The following FOCAD variants were observed in gnomAD, a reference collection of about 807,000 sequenced individuals.
FOCAD encodes the protein KIAA1797.
In FOCAD, 198 loss-of-function variants were observed where a neutral mutation model predicts 225.6. The ratio of observed to expected loss-of-function variants is 0.88; its 90% CI spans 0.78 to 0.99. The LOEUF (loss-of-function observed/expected upper bound fraction) is 0.99. Ranked by LOEUF, FOCAD falls within the 50% of genes least tolerant of loss-of-function variation. The probability of loss-of-function intolerance (pLI) is 0.00; values close to 1 mark genes in which losing one functional copy is unlikely to be tolerated. For missense variants in FOCAD, 2,713 were observed against 2,123.6 expected, an observed-to-expected ratio of 1.28 and a Z score of -5.46; for synonymous variants, 897 against 755.0, an observed-to-expected ratio of 1.19 and a Z score of -3.08.
intron 2 of FOCAD, among the ~76,000 whole-genome samples, chr9:20,672,147 A>G (rs1329539776): frequency 5.9e-5 from 9 of 152,188 alleles, no homozygotes; most frequent in Non-Finnish European, 1.3e-4. Context: ...AACTCCTGCA[A>G]ACTTTATAGA....
upstream of FOCAD, among the ~76,000 whole-genome samples, chr9:20,657,975 T>G (rs1044476217): frequency 1.3e-4 from 19 of 141,658 alleles, no homozygotes; most frequent in African/African-American, 2.3e-4. Context: ...GTCCTTTCTG[T>G]TTGTTAGTTT....
intron 16 of FOCAD, among the ~76,000 whole-genome samples, chr9:20,865,522 T>C (rs1829150589): frequency 6.6e-6 from 1 of 152,036 alleles, no homozygotes; most frequent in African/African-American, 2.4e-5. Flanking sequence ...CTGCCTTAAG[T>C]ATTGTACAAC....
At chr9:20,952,613 G>A in intron 34 of FOCAD, 1 of 268,198 alleles carries the variant, frequency 3.7e-6, no homozygotes, top group Non-Finnish European at 7.1e-6. Context: ...AGTGGTCTCA[G>A]CGTTGAAGCT....
chr9:20,966,926 C>T (rs1839313759), intron 35 of FOCAD, among the ~76,000 whole-genome samples: 1 of 152,024 alleles, frequency 6.6e-6, no homozygotes, highest in South Asian at 2.1e-4. Context: ...GTTTTGATTA[C>T]TATAGCTGTA....
At chr9:20,675,472 G>T (rs1180631652) in intron 2 of FOCAD, among the ~76,000 whole-genome samples, 3 of 152,144 alleles carry the variant, frequency 2.0e-5, no homozygotes, top group Non-Finnish European at 4.4e-5. Context: ...TGTACTAAAA[G>T]ATAATATACA....
intron 35 of FOCAD, among the ~76,000 whole-genome samples, chr9:20,953,454 C>G (rs954227547): frequency 6.6e-6 from 1 of 152,172 alleles, no homozygotes; most frequent in South Asian, 2.1e-4. Flanking sequence ...GATCTTCTCC[C>G]TGCATCTTTT....
intron 11 of FOCAD, among the ~76,000 whole-genome samples, chr9:20,790,048 C>A (rs192819899): frequency 6.6e-6 from 1 of 152,156 alleles, no homozygotes; most frequent in Non-Finnish European, 1.5e-5. Context: ...CAGTTTGATA[C>A]TATCTTTATT....
intron 4 of FOCAD, among the ~76,000 whole-genome samples, chr9:20,733,868 A>G (rs1211954867): frequency 6.6e-6 from 1 of 152,078 alleles, no homozygotes; most frequent in African/African-American, 2.4e-5. Context: ...AGGTATGGTG[A>G]TGCACACCTA....
At chr9:20,870,820 T>C (rs549542059) in intron 18 of FOCAD, among the ~76,000 whole-genome samples, 29 of 152,352 alleles carry the variant, frequency 1.9e-4, no homozygotes, top group Admixed American at 1.5e-3. Context: ...TTTTGTCTTC[T>C]GACATTTTCA....
At chr9:20,793,989 T>C in intron 11 of FOCAD, among the ~76,000 whole-genome samples, 1 of 152,170 alleles carries the variant, frequency 6.6e-6, no homozygotes, top group Non-Finnish European at 1.5e-5. Context: ...TTGACATGTC[T>C]CATCATTCTT....
At chr9:20,769,886 C>T (rs927876014) in intron 7 of FOCAD, 146 bp from the exon 8 acceptor site, 2 of 668,270 alleles carry the variant, frequency 3.0e-6, no homozygotes, top group African/African-American at 3.6e-5. Context: ...GTTAATCCTT[C>T]ATGGAGTTCT....
At chr9:20,824,406 T>G (rs1382490074) in intron 15 of FOCAD, among the ~76,000 whole-genome samples, 3 of 152,126 alleles carry the variant, frequency 2.0e-5, no homozygotes, top group African/African-American at 7.2e-5. Context: ...TTTCTGAAAT[T>G]AACATTTTTT....
chr9:20,829,215 C>T (rs1825236448), intron 15 of FOCAD, among the ~76,000 whole-genome samples: 1 of 152,012 alleles, frequency 6.6e-6, no homozygotes, highest in Non-Finnish European at 1.5e-5. Flanking sequence ...AAAAACTGCA[C>T]CTTCCATAAT....
At chr9:20,926,505 C>T in intron 26 of FOCAD, 88 bp downstream of exon 26, 2 of 844,422 alleles carry the variant, frequency 2.4e-6, no homozygotes, top group Non-Finnish European at 4.0e-6. Context: ...TTATATAGGC[C>T]AGGCGCGGTG....
intron 9 of FOCAD, among the ~76,000 whole-genome samples, chr9:20,781,433 C>G (rs1314722758): frequency 6.6e-6 from 1 of 152,178 alleles, no homozygotes. Flanking sequence ...GCAATACTAG[C>G]ATCTCAGAGG....
intron 40 of FOCAD, 44 bp from the exon 41 acceptor site, chr9:20,988,288 A>C (rs886971377): frequency 4.8e-6 from 6 of 1,257,928 alleles, no homozygotes; most frequent in Non-Finnish European, 4.6e-6. Flanking sequence ...TTACATTTCA[A>C]AGGAAAACCA....
chr9:20,902,530 T>G (rs1832638982), intron 21 of FOCAD, among the ~76,000 whole-genome samples: 1 of 151,968 alleles, frequency 6.6e-6, no homozygotes, highest in Admixed American at 6.6e-5. Context: ...TTGGGCTTTA[T>G]TCTTTAATGA....
At chr9:20,926,800 AAAAG>A (rs1419180297) in intron 26 of FOCAD, among the ~76,000 whole-genome samples, 18 of 151,596 alleles carry the variant, frequency 1.2e-4, no homozygotes, top group Non-Finnish European at 2.9e-5. Flanking sequence ...AAAAAAAAGA[AAAAG>A]AAAAAAAAAA....
At chr9:20,721,019 G>C (rs901149516) in intron 4 of FOCAD, among the ~76,000 whole-genome samples, 2 of 152,098 alleles carry the variant, frequency 1.3e-5, no homozygotes, top group Admixed American at 1.3e-4. Flanking sequence ...ATAATGTTTT[G>C]TTCTTTGAAT....
Sources: allele counts gnomAD v4.1 joint callset (sites outside exome capture counted in the v4.1 genomes callset), GRCh38; gene constraint gnomAD v4.1.1; transcripts MANE v1.5; gene names NCBI Gene and HGNC (gene_info 2026-07-23, HGNC 2026-07-21).